Variants in TRPC1 observed in about 807,000 individuals in gnomAD.
TRPC1 encodes transient receptor potential cation channel subfamily C member 1.
In TRPC1, 42 loss-of-function variants were observed where a neutral mutation model predicts 88.2. That is an observed-to-expected ratio of 0.48 (90% CI 0.37 to 0.62). The LOEUF (loss-of-function observed/expected upper bound fraction) is 0.62, where lower values mean the gene tolerates loss of function less well. TRPC1 is among the 20% of genes least tolerant of loss of function. The probability of loss-of-function intolerance (pLI) is 0.00; values close to 1 mark genes in which losing one functional copy is unlikely to be tolerated. For missense variants in TRPC1, 699 were observed against 957.3 expected, an observed-to-expected ratio of 0.73 and a Z score of 3.56; for synonymous variants, 288 against 331.8, an observed-to-expected ratio of 0.87 and a Z score of 1.43.
chr3:142,793,659 A>G (rs367591457), intron 9 of TRPC1, among the ~76,000 whole-genome samples: 1 of 152,106 alleles, frequency 6.6e-6, no homozygotes, highest in Non-Finnish European at 1.5e-5. Context: ...AGAATTTAGT[A>G]ACTGGTTTTC....
At chr3:142,770,933 T>C (rs145534439) in intron 4 of TRPC1, among the ~76,000 whole-genome samples, 7 of 152,348 alleles carry the variant, frequency 4.6e-5, no homozygotes, top group African/African-American at 1.7e-4. Context: ...CATCTGCTTC[T>C]GTTAAGGACC....
At position 142,767,592 on chromosome 3, in the gene TRPC1, T is replaced by C. The variant is rs926605990; in HGVS notation, c.633-10040T>C. On this transcript the variant is annotated intron_variant, in intron 4 of 12. Transcript: ENST00000476941. The surrounding 1 kb of genome is among the most constrained non-coding windows in gnomAD (Gnocchi z 5.1). ...TATCTTTATATATAAATATATTATA[T>C]ATAAATAAATTATATATCTTTATAT... Among the ~76,000 whole-genome samples the C allele has an allele frequency of 7.2e-4, 106 of 148,156 alleles. No homozygotes were observed. Among genetic ancestry groups the C allele is most frequent in the Admixed American group, 3.8e-3 (56 of 14,808 alleles).
In TRPC1 at chr3:142,724,377, G is replaced by A; in HGVS notation, c.-183G>A. 1 of 470,146 alleles carries A rather than the reference G, an allele frequency of 2.1e-6. No homozygotes were observed. The highest frequency in any genetic ancestry group is 3.6e-6 in the Non-Finnish European group (1 of 280,354). The allele number at this position is 470,146 out of a possible 1,614,324, so 29.1% of individuals were successfully genotyped here. A position where few individuals can be genotyped will look rare whatever the true frequency, so the allele number is the denominator to read the frequency against. ...CGCCACCAACTTGGGGCTGTCAGTG[G>A]AGGGCGAGTGCTGGTTCTCAGGGGA... On this transcript the variant is annotated 5_prime_UTR_variant, in exon 1 of 13. Coordinates refer to ENST00000476941, the MANE Select transcript of TRPC1 (RefSeq NM_001251845.2). The surrounding 1 kb of genome is among the most constrained non-coding windows in gnomAD (Gnocchi z 5.6).
chr3:142,779,208 G>A (rs1935879616), intron 5 of TRPC1, among the ~76,000 whole-genome samples: 1 of 152,152 alleles, frequency 6.6e-6, no homozygotes, highest in Admixed American at 6.5e-5. Context: ...TTTATAGACA[G>A]GGGAGGAGAT....
intron 1 of TRPC1, among the ~76,000 whole-genome samples, chr3:142,734,203 A>C (rs7626908): frequency 0.5 from 76,151 of 152,024 alleles, 21,221 homozygotes; most frequent in African/African-American, 0.77. Context: ...AATTAATACT[A>C]CTTTCAGATA....
At chr3:142,802,459 A>C in intron 10 of TRPC1, 115 bp downstream of exon 10, 1 of 719,044 alleles carries the variant, frequency 1.4e-6, no homozygotes, top group Non-Finnish European at 2.0e-6. Context: ...ATTCCTTAGT[A>C]ATGTTCATAA....
In TRPC1 at chr3:142,748,378, T is replaced by C; in HGVS notation, c.550T>C (p.Ser184Pro). 1 of 1,614,118 alleles carries C rather than the reference T, an allele frequency of 6.2e-7. No homozygotes were observed. The highest frequency in any genetic ancestry group is 8.5e-7 in the Non-Finnish European group (1 of 1,179,986). The change falls in exon 4 of 13, where the codon TCT becomes CCT. Residue 184 changes from serine to proline, a missense_variant. Around this residue, in one of 4 missense-constraint regions of TRPC1, gnomAD observed 426 missense variants for 641.3 expected, o/e 0.66. Coordinates refer to ENST00000476941, the MANE Select transcript of TRPC1 (RefSeq NM_001251845.2). ...TACAATGCTCTTAAAACAGGATGTA[T>C]CTCTACCCAAGCCCCATGCAGTTGG... Reference protein sequence around the residue: ...ILTMLLKQDVSLPKPHAVGCE... With the variant: ...ILTMLLKQDVPLPKPHAVGCE...
intron 4 of TRPC1, among the ~76,000 whole-genome samples, chr3:142,759,920 T>C (rs1288863413): frequency 2.0e-5 from 3 of 152,164 alleles, no homozygotes; most frequent in Non-Finnish European, 4.4e-5. Context: ...AGTGGCGCGA[T>C]CTCGGCTCAC....
chr3:142,796,679 A>AC (rs5853082), intron 9 of TRPC1, among the ~76,000 whole-genome samples: 52,884 of 151,934 alleles, frequency 0.35, 12,677 homozygotes, highest in African/African-American at 0.69. Flanking sequence ...CTTACTCAAA[A>AC]AAGGTTGCCA....
intron 8 of TRPC1, 38 bp downstream of exon 8, chr3:142,791,196 G>A (rs1936285994): frequency 1.3e-6 from 2 of 1,556,276 alleles, no homozygotes; most frequent in African/African-American, 2.8e-5. Flanking sequence ...CACAAATTAA[G>A]TTTATTTTGG....
intron 1 of TRPC1, among the ~76,000 whole-genome samples, chr3:142,731,491 TCTCCTGCCTCAGC>T (rs1933910388): frequency 1.3e-5 from 2 of 149,930 alleles, no homozygotes; most frequent in East Asian, 4.0e-4. Context: ...TTCACGCCAT[TCTCCTGCCTCAGC>T]CTCCCAAGTA....
At chr3:142,747,088 T>C (rs1056984212) in intron 3 of TRPC1, among the ~76,000 whole-genome samples, 2 of 152,228 alleles carry the variant, frequency 1.3e-5, no homozygotes, top group Non-Finnish European at 2.9e-5. Context: ...GATCCTGCTT[T>C]ATGGATTATT....
intron 2 of TRPC1, among the ~76,000 whole-genome samples, chr3:142,741,325 A>G (rs9867886): frequency 0.03 from 4,524 of 152,200 alleles, 240 homozygotes; most frequent in African/African-American, 0.1. Flanking sequence ...GAATATTTTT[A>G]TAGCTGAAGC....
chr3:142,741,124 A>G (rs1934329800), intron 2 of TRPC1, among the ~76,000 whole-genome samples: 1 of 144,980 alleles, frequency 6.9e-6, no homozygotes, highest in South Asian at 2.2e-4. Flanking sequence ...AGAGCTTTTA[A>G]TAAAGAATCG....
intron 4 of TRPC1, among the ~76,000 whole-genome samples, chr3:142,757,816 A>T (rs78415515): frequency 1.3e-5 from 2 of 151,778 alleles, no homozygotes; most frequent in Non-Finnish European, 1.5e-5. Context: ...TATAATAATT[A>T]AAAAAAAATT....
chr3:142,733,623 G>A (rs973993164), intron 1 of TRPC1, among the ~76,000 whole-genome samples: 16 of 152,116 alleles, frequency 1.1e-4, no homozygotes, highest in Non-Finnish European at 7.4e-5. Flanking sequence ...TTGTCTATTT[G>A]CTATACCTGA....
chr3:142,758,338 T>C (rs907378848), intron 4 of TRPC1, among the ~76,000 whole-genome samples: 1 of 152,188 alleles, frequency 6.6e-6, no homozygotes, highest in Non-Finnish European at 1.5e-5. Flanking sequence ...TTAACTGGAG[T>C]GCGATGATAC....
intron 1 of TRPC1, among the ~76,000 whole-genome samples, chr3:142,725,672 G>C (rs9877670): frequency 6.6e-6 from 1 of 152,026 alleles, no homozygotes; most frequent in Non-Finnish European, 1.5e-5. Flanking sequence ...AATTTATATG[G>C]CTGTACACTT....
chr3:142,745,693 A>G (rs531462584), intron 3 of TRPC1, among the ~76,000 whole-genome samples: 1 of 152,296 alleles, frequency 6.6e-6, no homozygotes, highest in South Asian at 2.1e-4. Flanking sequence ...TCTAACAAAT[A>G]AAGATTATTC....
Sources: allele counts gnomAD v4.1 joint callset (sites outside exome capture counted in the v4.1 genomes callset), GRCh38; gene constraint gnomAD v4.1.1; regional missense constraint gnomAD v4.1.1; non-coding constraint Gnocchi (gnomAD v3.1); transcripts MANE v1.5; gene names NCBI Gene and HGNC (gene_info 2026-07-23, HGNC 2026-07-21).